The following CTBP1 variants were observed in gnomAD, a reference collection of about 807,000 sequenced individuals.
CTBP1 encodes C-terminal binding protein 1.
In CTBP1, 11 loss-of-function variants were observed where a neutral mutation model predicts 42.1. The ratio of observed to expected loss-of-function variants is 0.26; its 90% CI spans 0.16 to 0.43. CTBP1 has a LOEUF of 0.43. CTBP1 is among the 20% of genes least tolerant of loss of function. CTBP1 has a pLI of 1.00. For synonymous variants in CTBP1, 324 were observed against 277.1 expected (o/e 1.17, Z -1.68); for missense variants, 399 against 624.3 (o/e 0.64, Z 3.85).
At chr4:1,223,774 TTTCCC>T (rs1360963361) in intron 5 of CTBP1, among the ~76,000 whole-genome samples, 1 of 150,504 alleles carries the variant, frequency 6.6e-6, no homozygotes, top group African/African-American at 2.4e-5. Flanking sequence ...CCAGCTCTAC[TTTCCC>T]TTAAGACATG....
chr4:1,217,454 A>G (rs973688414), intron 5 of CTBP1: 1 of 152,346 alleles, frequency 6.6e-6, no homozygotes, highest in African/African-American at 2.4e-5. Context: ...GGTGCAGAAC[A>G]GCCCGTCTGT....
At chr4:1,223,460 C>T (rs923276737) in intron 5 of CTBP1, 2 of 456,026 alleles carry the variant, frequency 4.4e-6, no homozygotes, top group Admixed American at 2.4e-5. Flanking sequence ...CCGAAACGTC[C>T]GATTCCCCAA....
At chr4:1,242,317 A>T in intron 1 of CTBP1, 1 of 985,366 alleles carries the variant, frequency 1.0e-6, no homozygotes, top group Non-Finnish European at 1.2e-6. Flanking sequence ...ATGAAGACAC[A>T]GCACCGAGGC....
intron 3 of CTBP1, chr4:1,236,382 G>T: frequency 3.9e-6 from 2 of 519,454 alleles, no homozygotes; most frequent in Non-Finnish European, 6.9e-6. Flanking sequence ...GCCAGGCCGC[G>T]GGCAATGCCG....
In CTBP1 at chr4:1,229,029, G is replaced by A. The variant is rs566536145; in HGVS notation, c.163-686C>T. On this transcript the variant is annotated intron_variant, in intron 3 of 9. Transcript: ENST00000382952. ...CAGTGTCCATGACAACTCTTAGACCGGAACAGCTCCCGCGAACAAAGACCT... is the reference window on the plus strand; with the variant it reads ...CAGTGTCCATGACAACTCTTAGACCAGAACAGCTCCCGCGAACAAAGACCT... Among the ~76,000 whole-genome samples the A allele has an allele frequency of 9.8e-5, 15 of 152,298 alleles. No homozygotes were observed. The East Asian group carries it at 2.3e-3, about 23-fold the overall frequency.
At chr4:1,225,652 T>G in intron 4 of CTBP1, 86 bp from the exon 5 acceptor site, 2 of 1,364,534 alleles carry the variant, frequency 1.5e-6, no homozygotes, top group Non-Finnish European at 2.0e-6. Flanking sequence ...GGAGCGGGTT[T>G]GAAGCTTCCC....
intron 5 of CTBP1, chr4:1,223,530 G>A (rs931885143): frequency 2.9e-5 from 13 of 455,264 alleles, no homozygotes; most frequent in East Asian, 2.1e-4. Flanking sequence ...TTTGGGAAGC[G>A]GGGGGCCGGC....
At chr4:1,248,707 A>G (rs1020845400) in intron 1 of CTBP1, 1 of 980,530 alleles carries the variant, frequency 1.0e-6, no homozygotes, top group African/African-American at 1.8e-5. Flanking sequence ...GCTCGCGCAC[A>G]CGCAGCGGCC....
chr4:1,248,139 G>T (rs1418520384), intron 1 of CTBP1, among the ~76,000 whole-genome samples: 5 of 152,246 alleles, frequency 3.3e-5, no homozygotes, highest in East Asian at 3.9e-4. Flanking sequence ...TGGCGATGGT[G>T]GCAAGCCCGG....
Position 1,224,852 on chromosome 4 carries a change from A to G in CTBP1, c.514+508T>C, listed in dbSNP as rs186727277. ...ATACTGTGATGTCTGTGAGGCCCAC[A>G]TGTGTGCTGTGGCATCTATGACATC... On this transcript the variant is annotated intron_variant, in intron 5 of 9. Transcript: ENST00000382952. Among the ~76,000 whole-genome samples the G allele has an allele frequency of 3.6e-3, 529 of 147,700 alleles. 8 individuals carry two copies. Among genetic ancestry groups the G allele is most frequent in the African/African-American group, 0.013 (500 of 39,564 alleles).
intron 2 of CTBP1, among the ~76,000 whole-genome samples, chr4:1,239,022 T>G (rs898824751): frequency 1.1e-4 from 16 of 152,250 alleles, no homozygotes; most frequent in African/African-American, 2.9e-4. Context: ...CTGCCTGGCA[T>G]TACTTCCAAT....
At chr4:1,225,616 G>T in intron 4 of CTBP1, 50 bp from the exon 5 acceptor site, 1 of 1,503,048 alleles carries the variant, frequency 6.7e-7, no homozygotes, top group South Asian at 1.2e-5. Flanking sequence ...CCCAGCCTCC[G>T]GGAGGACACC....
At chr4:1,248,119 C>T (rs1181892735) in intron 1 of CTBP1, among the ~76,000 whole-genome samples, 1 of 152,114 alleles carries the variant, frequency 6.6e-6, no homozygotes, top group African/African-American at 2.4e-5. Flanking sequence ...AGGACGCGGG[C>T]GCTGCAAGAT....
Position 1,238,059 on chromosome 4 carries a change from G to A in CTBP1, c.162+124C>T, listed in dbSNP as rs771094946. On this transcript the variant is annotated intron_variant, in intron 3 of 9. Coordinates refer to ENST00000382952, the MANE Select transcript of CTBP1 (RefSeq NM_001012614.2). This position sits in a 1 kb window ranked among gnomAD's most constrained non-coding sequence, Gnocchi z 5.9. ...CCTCCTGACGGCGCGGGACGACTGG[G>A]ACAGAGGCTGCTCCTGCCCCAGTGG... The A allele has an allele frequency of 4.6e-6, 6 of 1,304,204 alleles. No individual in the cohort carries two copies. Among genetic ancestry groups the A allele is most frequent in the African/African-American group, 4.3e-5 (3 of 69,056 alleles). 80.8% of individuals were successfully genotyped at this position (1,304,204 alleles called of 1,614,324 possible). A position where few individuals can be genotyped will look rare whatever the true frequency, so the allele number is the denominator to read the frequency against.
rs1158508636 is a variant in CTBP1, at chr4:1,224,556, CGT to C, written c.514+802_514+803del. Among the ~76,000 whole-genome samples the C allele has an allele frequency of 1.9e-4, 28 of 144,904 alleles. No homozygotes were observed. In the East Asian group the frequency reaches 3.7e-3, roughly 19 times the overall value. On this transcript the variant is annotated intron_variant, in intron 5 of 9. Coordinates refer to ENST00000382952, the MANE Select transcript of CTBP1 (RefSeq NM_001012614.2). ...CATCCGTGCAGGCCCGTGAGGCCCA[CGT>C]GTGTGCTGTGACATCCGTGTGTGAT... is the stretch of plus-strand genomic sequence containing the variant.
chr4:1,244,360 G>GA (rs1732504856), intron 1 of CTBP1: 1 of 984,486 alleles, frequency 1.0e-6, no homozygotes, highest in Non-Finnish European at 1.2e-6. Flanking sequence ...GCACTGGGGG[G>GA]GGGGTGTTCC....
intron 4 of CTBP1, among the ~76,000 whole-genome samples, chr4:1,226,048 C>T (rs763393120): frequency 2.0e-5 from 3 of 152,128 alleles, no homozygotes; most frequent in Non-Finnish European, 4.4e-5. Flanking sequence ...AGCCGGGCCC[C>T]GAAGCCCCTT....
chr4:1,221,900 CAAG>C (rs1468146118), intron 5 of CTBP1: 9 of 394,152 alleles, frequency 2.3e-5, no homozygotes, highest in East Asian at 8.9e-5. Context: ...AAGAAAGAAA[CAAG>C]AAGGAGATGT....
chr4:1,223,960 T>C (rs1384948056), intron 5 of CTBP1, among the ~76,000 whole-genome samples: 2 of 152,000 alleles, frequency 1.3e-5, no homozygotes, highest in Non-Finnish European at 1.5e-5. Flanking sequence ...AGTGGGCAAA[T>C]GAAGAGCGAG....
Sources: gnomAD v4.1 joint callset for allele counts (sites outside exome capture counted in the v4.1 genomes callset) on GRCh38, gnomAD v4.1.1 for gene constraint, Gnocchi (gnomAD v3.1) non-coding constraint, MANE v1.5 for transcripts, NCBI Gene and HGNC (gene_info 2026-07-23, HGNC 2026-07-21) for gene names.